Variants in ZNF587 observed in about 807,000 individuals in gnomAD.
The protein encoded by ZNF587 is zinc finger protein zfp6.
A neutral mutation model predicts 7.5 loss-of-function variants in ZNF587; 8 were observed. The ratio of observed to expected loss-of-function variants is 1.06; its 90% CI spans 0.62 to 1.92. The LOEUF is 1.92. ZNF587 is among the 40% of genes most tolerant of loss of function. The pLI, the probability that ZNF587 is intolerant of heterozygous loss-of-function variation, is 0.00. For missense variants in ZNF587, 468 were observed against 692.8 expected (o/e 0.68, Z 3.64); for synonymous variants, 145 against 237.8 (o/e 0.61, Z 3.59).
chr19:57,856,688 G>T (rs1454614611), intron 2 of ZNF587, among the ~76,000 whole-genome samples: 1 of 151,228 alleles, frequency 6.6e-6, no homozygotes, highest in African/African-American at 2.5e-5. Flanking sequence ...GATTATAGGC[G>T]TGAGCCACCA....
Position 57,861,789 on chromosome 19 carries a change from T to TTTC in ZNF587, c.*1649_*1650insTTC, listed in dbSNP as rs1555775628. The TTTC allele has an allele frequency of 5.7e-4, 85 of 148,052 alleles. 2 individuals carry two copies. Among genetic ancestry groups the TTTC allele is most frequent in the African/African-American group, 2.1e-3 (82 of 38,334 alleles). 9.2% of individuals were successfully genotyped at this position (148,052 alleles called of 1,614,324 possible). A position where few individuals can be genotyped will look rare whatever the true frequency, so the allele number is the denominator to read the frequency against. ...TTTGGTTTTCTTTTTTTTTTTTTTT[T>TTTC]CCAGATGGAGTCTAGCTCTGTCTCC... On this transcript the variant is annotated 3_prime_UTR_variant, in exon 3 of 3. Coordinates refer to ENST00000339656, the MANE Select transcript of ZNF587 (RefSeq NM_032828.4).
intron 2 of ZNF587, 93 bp from the exon 3 acceptor site, chr19:57,858,483 A>T: frequency 6.6e-7 from 1 of 1,521,146 alleles, no homozygotes; most frequent in Non-Finnish European, 8.8e-7. Flanking sequence ...ATTTCTATAG[A>T]TTAATTCCTC....
chr19:57,861,620 G>C lies in ZNF587; in HGVS notation c.*1480G>C, dbSNP rs973256894. The C allele has an allele frequency of 1.3e-5, 2 of 152,146 alleles. No individual in the cohort carries two copies. Among genetic ancestry groups the C allele is most frequent in the African/African-American group, 4.8e-5 (2 of 41,406 alleles). The allele number at this position is 152,146 out of a possible 1,614,324, so 9.4% of individuals were successfully genotyped here. On this transcript the variant is annotated 3_prime_UTR_variant, in exon 3 of 3. Coordinates refer to ENST00000339656, the MANE Select transcript of ZNF587 (RefSeq NM_032828.4). ...TTGGTCTACAGGGGTGAGGCACCCT[G>C]CCTGGCCTCACCTGTAGGCTTGTTT...
At position 57,861,991 on chromosome 19, in the gene ZNF587, C is replaced by T. The variant is rs932124819; in HGVS notation, c.*1851C>T. On this transcript the variant is annotated 3_prime_UTR_variant, in exon 3 of 3. Coordinates refer to ENST00000339656, the MANE Select transcript of ZNF587 (RefSeq NM_032828.4). ...GTTTCACCATGTTACCCAGGCTGCT[C>T]TCTACCTTCTGAGCTCAAGTGATCC... 3.3e-5 allele frequency: 5 copies of T among 152,118 alleles called. No individual in the cohort carries two copies. Among genetic ancestry groups the T allele is most frequent in the African/African-American group, 1.2e-4 (5 of 41,408 alleles). The allele number at this position is 152,118 out of a possible 1,614,324, so 9.4% of individuals were successfully genotyped here. A position where few individuals can be genotyped will look rare whatever the true frequency, so the allele number is the denominator to read the frequency against.
At chr19:57,853,558 T>C (rs764324665) in intron 1 of ZNF587, among the ~76,000 whole-genome samples, 4 of 152,302 alleles carry the variant, frequency 2.6e-5, no homozygotes, top group Admixed American at 1.3e-4. Context: ...ACGTCCTCAA[T>C]TGATGTTATT....
intron 1 of ZNF587, among the ~76,000 whole-genome samples, chr19:57,854,770 G>A (rs2071329913): frequency 6.6e-6 from 1 of 152,050 alleles, no homozygotes; most frequent in Admixed American, 6.6e-5. Context: ...GCTGGGTGTG[G>A]TGGCTCACCC....
rs1167631302 is a variant in ZNF587 at position 57,860,130 on chromosome 19, A to G, written c.1718A>G (p.Lys573Arg). ...CATCATCAGAGTTCACACAGGAGAA[A>G]GGCCTTATGAGTGCAGTGAATATGG... ...LLHHQSSHRR[K>R]AL The change falls in exon 3 of 3, where the codon AAG (lysine) becomes AGG (arginine). Residue 573 changes from lysine to arginine, a missense_variant. Coordinates refer to ENST00000339656, the MANE Select transcript of ZNF587 (RefSeq NM_032828.4). 12 of 1,614,042 alleles carry G rather than the reference A, an allele frequency of 7.4e-6. No homozygotes were observed. The highest frequency in any genetic ancestry group is 1.3e-5 in the African/African-American group (1 of 74,934).
chr19:57,852,129 G>A (rs941441267), intron 1 of ZNF587: 4 of 364,678 alleles, frequency 1.1e-5, no homozygotes, highest in African/African-American at 1.0e-4. Flanking sequence ...GGTGTCCTGG[G>A]ACTCTTAAGT....
rs35543941 is a variant in ZNF587, at chr19:57,852,840, CTTTTTTTTTTTTTT to C, written c.33+2786_33+2799del. Reference sequence around the variant, plus strand: ...AATGCGCCCAGCCGAGACAGCTAGGCTTTTTTTTTTTTTTTTTTTTTTTTTTTTTTGAGACGGAG... The same window carrying C: ...AATGCGCCCAGCCGAGACAGCTAGGCTTTTTTTTTTTTTTTTGAGACGGAG... On this transcript the variant is annotated intron_variant, in intron 1 of 2. Transcript: ENST00000339656. Among the ~76,000 whole-genome samples the C allele has an allele frequency of 4.4e-4, 11 of 25,286 alleles. 1 individual carries two copies. The East Asian group carries it at 5.9e-3, about 14-fold the overall frequency. 16.6% of individuals were successfully genotyped at this position (25,286 alleles called of 152,430 possible).
chr19:57,849,958 T>C lies in ZNF587; in HGVS notation c.-81T>C. ...ACTGAACCTAGAAGGTGGAGAGGAA[T>C]CGTCCTCGGTGCCCAGAGGCGGCTC... On this transcript the variant is annotated 5_prime_UTR_variant, in exon 1 of 3. Transcript: ENST00000339656. 13 of 1,612,874 alleles carry C rather than the reference T, an allele frequency of 8.1e-6. No homozygotes were observed. Among genetic ancestry groups the C allele is most frequent in the Non-Finnish European group, 1.1e-5 (13 of 1,179,508 alleles).
At chr19:57,853,537 A>C (rs973993739) in intron 1 of ZNF587, among the ~76,000 whole-genome samples, 27 of 152,126 alleles carry the variant, frequency 1.8e-4, no homozygotes, top group African/African-American at 5.6e-4. Context: ...TGAGGACTGG[A>C]TCTCTTACTT....
At chr19:57,852,502 A>C (rs1440397881) in intron 1 of ZNF587, 4 of 397,800 alleles carry the variant, frequency 1.0e-5, no homozygotes, top group Non-Finnish European at 1.3e-5. Context: ...TTCAGGATTC[A>C]CTTTTTGTAA....
At chr19:57,850,866 G>A (rs2122298386) in intron 1 of ZNF587, 1 of 282,170 alleles carries the variant, frequency 3.5e-6, no homozygotes, top group East Asian at 5.8e-5. Flanking sequence ...GTAAAGCACT[G>A]GCCGTTTCTG....
chr19:57,850,142 G>A (rs1483099085), intron 1 of ZNF587, 71 bp downstream of exon 1: 3 of 1,613,500 alleles, frequency 1.9e-6, no homozygotes, highest in African/African-American at 1.3e-5. Flanking sequence ...CGAGGGAGCG[G>A]CTCCTGCTCG....
In ZNF587 at chr19:57,860,184, G is replaced by T; in HGVS notation, c.*44G>T. On this transcript the variant is annotated 3_prime_UTR_variant, in exon 3 of 3. Transcript: ENST00000339656. ...ATCGTTTGCTGAAGCATCCCGTCTC[G>T]TTAAACACAGGAGAGTTCATACTGG... The T allele has an allele frequency of 6.2e-7, 1 of 1,613,806 alleles. No individual in the cohort carries two copies. The highest frequency in any genetic ancestry group is 2.2e-5 in the East Asian group (1 of 44,846).
chr19:57,864,757 GTA>G lies in ZNF587; in HGVS notation c.*4619_*4620del, dbSNP rs2071485684. 1 of 152,128 alleles carries G rather than the reference GTA, an allele frequency of 6.6e-6. No homozygotes were observed. Among genetic ancestry groups the G allele is most frequent in the Non-Finnish European group, 1.5e-5 (1 of 68,028 alleles). The allele number at this position is 152,128 out of a possible 1,614,324, so 9.4% of individuals were successfully genotyped here. ...AAATTATGACCACACACACTGAAGA[GTA>G]TGTTTGTCTCTTGTGGTGTAAATTT... On this transcript the variant is annotated 3_prime_UTR_variant, in exon 3 of 3. Coordinates refer to ENST00000339656, the MANE Select transcript of ZNF587 (RefSeq NM_032828.4).
rs528096107 is a variant in ZNF587 at position 57,850,036 on chromosome 19, C to T, written c.-3C>T. ...CCCGGGCCGTGCTTCCCCAAGTAGT[C>T]CGATGGCAGCGGCTGTGCCGAGGCG... On this transcript the variant is annotated 5_prime_UTR_variant, in exon 1 of 3. Transcript: ENST00000339656. 224 of 1,614,232 alleles carry T rather than the reference C, an allele frequency of 1.4e-4. No homozygotes were observed. In the South Asian group the frequency reaches 1.9e-3, roughly 13 times the overall value.
intron 1 of ZNF587, chr19:57,850,646 C>T: frequency 2.5e-6 from 1 of 399,266 alleles, no homozygotes; most frequent in Non-Finnish European, 4.4e-6. Context: ...CCTGCGGAGA[C>T]AAAGGAGTTA....
At position 57,863,056 on chromosome 19, in the gene ZNF587, A is replaced by G. The variant is rs528305138; in HGVS notation, c.*2916A>G. The G allele has an allele frequency of 1.3e-5, 2 of 152,956 alleles. No homozygotes were observed. The highest frequency in any genetic ancestry group is 4.1e-4 in the South Asian group (2 of 4,836). The allele number at this position is 152,956 out of a possible 1,614,324, so 9.5% of individuals were successfully genotyped here. ...CAACTCCACCTCCCGGGTTCACGCC[A>G]TTCTCTTGCCTCAGCCTCCTGAGTA... On this transcript the variant is annotated 3_prime_UTR_variant, in exon 3 of 3. Transcript: ENST00000339656.
Sources: allele counts gnomAD v4.1 joint callset (sites outside exome capture counted in the v4.1 genomes callset), GRCh38; gene constraint gnomAD v4.1.1; transcripts MANE v1.5; gene names NCBI Gene and HGNC (gene_info 2026-07-23, HGNC 2026-07-21).